The following SLC4A10 variants were observed in gnomAD, a reference collection of about 807,000 sequenced individuals.
The protein encoded by SLC4A10 is sodium-driven chloride bicarbonate exchanger.
In SLC4A10, 42 loss-of-function variants were observed where a neutral mutation model predicts 137.7. That is an observed-to-expected ratio of 0.30 (90% CI 0.24 to 0.39). SLC4A10 has a LOEUF of 0.39. SLC4A10 is among the 10% of genes least tolerant of loss of function. SLC4A10 has a pLI of 1.00. For missense variants in SLC4A10, 925 were observed against 1,355.0 expected (o/e 0.68, Z 4.98); for synonymous variants, 474 against 464.1 (o/e 1.02, Z -0.27).
intron 12 of SLC4A10, among the ~76,000 whole-genome samples, chr2:161,903,188 C>T (rs138246241): frequency 6.6e-6 from 1 of 152,024 alleles, no homozygotes; most frequent in Admixed American, 6.6e-5. Context: ...TACTTTTCCC[C>T]CAAAATAATT....
At chr2:161,731,785 A>G (rs1448269730) in intron 1 of SLC4A10, among the ~76,000 whole-genome samples, 1 of 152,148 alleles carries the variant, frequency 6.6e-6, no homozygotes, top group Non-Finnish European at 1.5e-5. Context: ...TAAAATTTAC[A>G]TCTTATTTTT....
chr2:161,847,611 T>C (rs1288820424), intron 4 of SLC4A10, among the ~76,000 whole-genome samples: 1 of 152,134 alleles, frequency 6.6e-6, no homozygotes, highest in Non-Finnish European at 1.5e-5. Context: ...TAGCTCCCAC[T>C]TGTAAGAACT....
chr2:161,894,849 T>C lies in SLC4A10; in HGVS notation c.1341+24T>C, dbSNP rs766303500. On this transcript the variant is annotated intron_variant, in intron 11 of 26. Coordinates refer to ENST00000446997, the MANE Select transcript of SLC4A10 (RefSeq NM_001178015.2). ...AGGTATGTATATTTGAAGACATTCT[T>C]TGAAATTGAATTTTTTTTTGTCTTT... 3 of 1,321,210 alleles carry C rather than the reference T, an allele frequency of 2.3e-6. No homozygotes were observed. The African/African-American group carries it at 4.6e-5, about 20-fold the overall frequency. 81.8% of individuals were successfully genotyped at this position (1,321,210 alleles called of 1,614,324 possible). A position where few individuals can be genotyped will look rare whatever the true frequency, so the allele number is the denominator to read the frequency against.
chr2:161,803,793 A>G (rs899873082), intron 2 of SLC4A10, among the ~76,000 whole-genome samples: 7 of 152,130 alleles, frequency 4.6e-5, no homozygotes, highest in African/African-American at 9.7e-5. Flanking sequence ...TGAACCCTAT[A>G]TATACTGTGT....
rs371870126 is a variant in SLC4A10 at position 161,974,290 on chromosome 2, A to T, written c.3201A>T (p.Val1067=). 85 of 1,608,118 alleles carry T rather than the reference A, an allele frequency of 5.3e-5. No homozygotes were observed. Among genetic ancestry groups the T allele is most frequent in the Non-Finnish European group, 7.0e-5 (83 of 1,177,524 alleles). ...SMLAMEDEGT[V]QLPLEGHYRD... ...TAGCTATGGAAGATGAGGGCACAGT[A>T]CAACTCCCATTGGAAGGGCACTATA... Residue 1067 remains valine, a synonymous_variant, in exon 24 of 27, where the codon GTA becomes GTT. Coordinates refer to ENST00000446997, the MANE Select transcript of SLC4A10 (RefSeq NM_001178015.2).
In SLC4A10 at chr2:161,648,924, C is replaced by G. The variant is rs575377742; in HGVS notation, c.48+24358C>G. Among the ~76,000 whole-genome samples, 175 of 151,892 alleles carry G rather than the reference C, an allele frequency of 1.2e-3. 1 individual carries two copies. The highest frequency in any genetic ancestry group is 4.1e-3 in the African/African-American group (168 of 41,406). ...TTATAAGTAATACCTCAGTGAAAAA[C>G]TTATGTGTGTTCCTGGTAGATATTG... On this transcript the variant is annotated intron_variant, in intron 1 of 26. Transcript: ENST00000446997.
chr2:161,756,459 G>T (rs548938442), intron 1 of SLC4A10, among the ~76,000 whole-genome samples: 9 of 152,190 alleles, frequency 5.9e-5, no homozygotes, highest in African/African-American at 2.2e-4. Flanking sequence ...TAAATTATCT[G>T]TTGCTTAATG....
At chr2:161,792,794 T>C (rs2125542560) in intron 2 of SLC4A10, among the ~76,000 whole-genome samples, 1 of 152,288 alleles carries the variant, frequency 6.6e-6, no homozygotes, top group South Asian at 2.1e-4. Flanking sequence ...CCATTTCACA[T>C]TCTTCATTCT....
intron 23 of SLC4A10, among the ~76,000 whole-genome samples, chr2:161,971,191 A>G (rs1698461814): frequency 6.6e-6 from 1 of 152,270 alleles, no homozygotes; most frequent in African/African-American, 2.4e-5. Context: ...AACTGTGTGC[A>G]TAGCACATAA....
At chr2:161,720,260 G>T (rs569123777) in intron 1 of SLC4A10, among the ~76,000 whole-genome samples, 1 of 152,250 alleles carries the variant, frequency 6.6e-6, no homozygotes. Flanking sequence ...CTATATCTCT[G>T]TTTTGGTACC....
intron 15 of SLC4A10, among the ~76,000 whole-genome samples, chr2:161,909,204 T>C (rs62188824): frequency 0.067 from 10,200 of 151,774 alleles, 445 homozygotes; most frequent in East Asian, 0.13. Context: ...GCACATTGTG[T>C]ACATGTACCC....
At chr2:161,818,072 A>G (rs1230260292) in intron 3 of SLC4A10, among the ~76,000 whole-genome samples, 15 of 151,132 alleles carry the variant, frequency 9.9e-5, no homozygotes, top group Non-Finnish European at 2.2e-4. Context: ...ACCTTGGGCA[A>G]TATGGCCATT....
chr2:161,649,228 G>A (rs2036473981), intron 1 of SLC4A10, among the ~76,000 whole-genome samples: 1 of 152,128 alleles, frequency 6.6e-6, no homozygotes, highest in Non-Finnish European at 1.5e-5. Context: ...AATTAGCTGG[G>A]CATGTTCCTG....
intron 16 of SLC4A10, 96 bp from the exon 17 acceptor site, chr2:161,947,470 C>A: frequency 1.6e-6 from 2 of 1,254,290 alleles, no homozygotes; most frequent in Admixed American, 2.9e-5. Flanking sequence ...AAAGCCTCAG[C>A]ATCTGAACTA....
intron 8 of SLC4A10, among the ~76,000 whole-genome samples, chr2:161,876,439 G>A (rs1046208630): frequency 6.6e-6 from 1 of 152,166 alleles, no homozygotes; most frequent in Non-Finnish European, 1.5e-5. Context: ...AGCATTTTGA[G>A]AGGCCAAGTC....
At chr2:161,728,443 G>T (rs1335092257) in intron 1 of SLC4A10, among the ~76,000 whole-genome samples, 2 of 151,730 alleles carry the variant, frequency 1.3e-5, no homozygotes, top group Non-Finnish European at 2.9e-5. Flanking sequence ...GGGCATGGTG[G>T]TGTGCCCCTG....
At chr2:161,678,337 A>T (rs561636904) in intron 1 of SLC4A10, among the ~76,000 whole-genome samples, 1 of 152,348 alleles carries the variant, frequency 6.6e-6, no homozygotes, top group East Asian at 1.9e-4. Flanking sequence ...TTTGCTATTT[A>T]TAGAGAGGAA....
chr2:161,956,772 G>A (rs746694822), intron 19 of SLC4A10, among the ~76,000 whole-genome samples: 3 of 152,158 alleles, frequency 2.0e-5, no homozygotes, highest in African/African-American at 4.8e-5. Context: ...ATACAGGGGA[G>A]CTTAGGCTCC....
At chr2:161,650,791 G>C (rs186177268) in intron 1 of SLC4A10, among the ~76,000 whole-genome samples, 100 of 152,032 alleles carry the variant, frequency 6.6e-4, no homozygotes, top group African/African-American at 2.4e-3. Flanking sequence ...GTGCCAATGA[G>C]CATGGGAGGG....
Sources: gnomAD v4.1 joint callset for allele counts (sites outside exome capture counted in the v4.1 genomes callset) on GRCh38, gnomAD v4.1.1 for gene constraint, MANE v1.5 for transcripts, NCBI Gene and HGNC (gene_info 2026-07-23, HGNC 2026-07-21) for gene names.